ASIC2: variants seen among roughly 807,000 people sequenced by gnomAD.
ASIC2 encodes acid sensing ion channel subunit 2, also known as acid-sensing ion channel 2.
A neutral mutation model predicts 57.3 loss-of-function variants in ASIC2; 25 were observed. The observed-to-expected ratio is 0.44, with a 90% CI of 0.32 to 0.61. ASIC2 has a LOEUF of 0.61. Ranked by LOEUF, ASIC2 falls within the 20% of genes least tolerant of loss-of-function variation. ASIC2 has a pLI of 0.06. For synonymous variants in ASIC2, 319 were observed against 307.5 expected, an observed-to-expected ratio of 1.04 and a Z score of -0.39; for missense variants, 641 against 738.1, an observed-to-expected ratio of 0.87 and a Z score of 1.52.
chr17:33,291,752 G>A lies in ASIC2; in HGVS notation c.364C>T (p.Arg122Cys). 6.2e-7 allele frequency: 1 copy of A among 1,613,394 alleles called. No individual in the cohort carries two copies. Among genetic ancestry groups the A allele is most frequent in the South Asian group, 1.1e-5 (1 of 91,084 alleles). ...LSFPSHTRVH[R>C]EWSRQLPFPA... ...AAGGGTAACTGGCGGCTCCACTCGC[G>A]GTGCACCCGCGTGTGTGACGGGAAG... Residue 122 changes from arginine to cysteine, a missense_variant, in exon 1 of 10, where the codon CGC becomes TGC. Transcript: ENST00000225823.
At chr17:33,083,979 G>T (rs1411364939) in intron 3 of ASIC2, among the ~76,000 whole-genome samples, 1 of 152,148 alleles carries the variant, frequency 6.6e-6, no homozygotes, top group Non-Finnish European at 1.5e-5. Context: ...CCCAGCTCCT[G>T]CTTCTCACTA....
intron 1 of ASIC2, among the ~76,000 whole-genome samples, chr17:34,132,108 A>C (rs1911992905): frequency 6.6e-6 from 1 of 152,158 alleles, no homozygotes; most frequent in Admixed American, 6.5e-5. Context: ...AGCCTGGCTA[A>C]CCTCAGCTGG....
intron 1 of ASIC2, among the ~76,000 whole-genome samples, chr17:33,125,811 G>C (rs981495695): frequency 6.6e-6 from 1 of 152,170 alleles, no homozygotes; most frequent in Non-Finnish European, 1.5e-5. Flanking sequence ...TTCTGCTACT[G>C]CTTTCACATC....
At chr17:33,830,554 AT>A (rs57348810) in intron 1 of ASIC2, among the ~76,000 whole-genome samples, 121,320 of 151,140 alleles carry the variant, frequency 0.8, 48,941 homozygotes, top group Non-Finnish European at 0.83. Context: ...CATTAAAAAA[AT>A]TTTTTTTTTA....
intron 1 of ASIC2, among the ~76,000 whole-genome samples, chr17:33,284,006 A>C (rs1000569506): frequency 1.3e-5 from 2 of 152,200 alleles, no homozygotes; most frequent in African/African-American, 2.4e-5. Context: ...CAGGGACAAA[A>C]GAATACGTTT....
rs77061105 is a variant in ASIC2, at chr17:33,432,168, C to T, written c.556-320101G>A. Among the ~76,000 whole-genome samples, 176 of 152,256 alleles carry T rather than the reference C, an allele frequency of 1.2e-3. 1 individual carries two copies. Among genetic ancestry groups the T allele is most frequent in the East Asian group, 5.6e-3 (29 of 5,170 alleles). The stretch of plus-strand genomic sequence containing the variant: ...CTCTGCCACCCCTGAGACAGCAAGA[C>T]CTCCTCTTCCTCCTCCTCCACAGTC... On this transcript the variant is annotated intron_variant, in intron 1 of 9. Transcript: ENST00000359872.
intron 1 of ASIC2, among the ~76,000 whole-genome samples, chr17:33,685,438 A>G (rs767637828): frequency 6.6e-6 from 1 of 152,112 alleles, no homozygotes; most frequent in Non-Finnish European, 1.5e-5. Flanking sequence ...GCCGTGCTCC[A>G]GCAGCCCCCT....
chr17:33,634,109 G>A (rs543318074), intron 1 of ASIC2, among the ~76,000 whole-genome samples: 22 of 151,244 alleles, frequency 1.5e-4, no homozygotes, highest in Admixed American at 7.9e-4. Flanking sequence ...TCCCATTCAC[G>A]TGGATTTTAG....
chr17:34,133,931 A>G (rs1222626780), intron 1 of ASIC2, among the ~76,000 whole-genome samples: 1 of 152,278 alleles, frequency 6.6e-6, no homozygotes, highest in Admixed American at 6.5e-5. Context: ...TGCACAGGAC[A>G]CTACAGTTTG....
intron 1 of ASIC2, among the ~76,000 whole-genome samples, chr17:33,683,729 A>T (rs151262417): frequency 4.9e-4 from 74 of 152,200 alleles, no homozygotes; most frequent in African/African-American, 1.8e-3. Context: ...TTTTACAGAG[A>T]CAGGGGTCTT....
intron 1 of ASIC2, among the ~76,000 whole-genome samples, chr17:33,999,805 A>G (rs1030062243): frequency 6.6e-6 from 1 of 152,276 alleles, no homozygotes; most frequent in African/African-American, 2.4e-5. Context: ...CACCACCATT[A>G]CAGTATTAAA....
At chr17:33,862,886 G>C (rs1039098514) in intron 1 of ASIC2, among the ~76,000 whole-genome samples, 9 of 152,218 alleles carry the variant, frequency 5.9e-5, no homozygotes, top group Non-Finnish European at 1.3e-4. Context: ...ACTTGGTGAA[G>C]ACCAGTGGTT....
intron 1 of ASIC2, among the ~76,000 whole-genome samples, chr17:33,689,770 A>G (rs1236341232): frequency 6.6e-6 from 1 of 152,260 alleles, no homozygotes; most frequent in Non-Finnish European, 1.5e-5. Context: ...TCCAGTGACC[A>G]GTGTCCTCTT....
At chr17:33,389,967 G>C (rs1909830104) in intron 1 of ASIC2, among the ~76,000 whole-genome samples, 1 of 152,052 alleles carries the variant, frequency 6.6e-6, no homozygotes, top group Non-Finnish European at 1.5e-5. Flanking sequence ...CAAGAATCAC[G>C]GCCTGCTGAG....
intron 1 of ASIC2, among the ~76,000 whole-genome samples, chr17:33,971,661 C>T (rs1905232346): frequency 6.6e-6 from 1 of 152,076 alleles, no homozygotes; most frequent in South Asian, 2.1e-4. Context: ...AGAATTAGAA[C>T]ATTTTCTACC....
chr17:33,725,364 A>G (rs1296980826), intron 1 of ASIC2, among the ~76,000 whole-genome samples: 1 of 152,188 alleles, frequency 6.6e-6, no homozygotes, highest in Non-Finnish European at 1.5e-5. Context: ...GCCTATCAGG[A>G]GGTTTTCTGT....
chr17:33,073,969 G>A (rs1364266960), intron 3 of ASIC2, among the ~76,000 whole-genome samples: 2 of 152,130 alleles, frequency 1.3e-5, no homozygotes, highest in Non-Finnish European at 2.9e-5. Context: ...GAGAACAACA[G>A]AGAGAATAGC....
At chr17:33,041,771 A>G (rs1567724295) in intron 3 of ASIC2, among the ~76,000 whole-genome samples, 1 of 152,192 alleles carries the variant, frequency 6.6e-6, no homozygotes, top group African/African-American at 2.4e-5. Flanking sequence ...CTTAGCACCA[A>G]ATCACATCTG....
intron 1 of ASIC2, among the ~76,000 whole-genome samples, chr17:33,669,251 G>C (rs186571153): frequency 6.6e-6 from 1 of 152,098 alleles, no homozygotes; most frequent in African/African-American, 2.4e-5. Context: ...ACCACACATC[G>C]TTTCATTGGA....
Sources: allele counts gnomAD v4.1 joint callset (sites outside exome capture counted in the v4.1 genomes callset), GRCh38; gene constraint gnomAD v4.1.1; transcripts MANE v1.5; gene names NCBI Gene and HGNC (gene_info 2026-07-23, HGNC 2026-07-21).